GLIS3: variants seen among roughly 807,000 people sequenced by gnomAD.
GLIS3 encodes zinc finger protein GLIS3.
In GLIS3, 53 loss-of-function variants were observed where a neutral mutation model predicts 78.6. The observed-to-expected ratio is 0.67, with a 90% CI of 0.54 to 0.85. The LOEUF (loss-of-function observed/expected upper bound fraction) is 0.85. Among genes scored for constraint, GLIS3 ranks in the 40% least tolerant of loss-of-function variants. The pLI, the probability that GLIS3 is intolerant of heterozygous loss-of-function variation, is 0.00. For synonymous variants in GLIS3, 684 were observed against 509.9 expected (o/e 1.34, Z -4.60); for missense variants, 1,703 against 1,231.1 (o/e 1.38, Z -5.74).
intron 2 of GLIS3, among the ~76,000 whole-genome samples, chr9:4,207,335 C>A (rs1191407116): frequency 6.6e-6 from 1 of 152,184 alleles, no homozygotes; most frequent in East Asian, 1.9e-4. Context: ...GAGGAGCACT[C>A]TTAACTTAGG....
chr9:4,385,133 C>T, the GLIS3 span, among the ~76,000 whole-genome samples: 1 of 152,206 alleles, frequency 6.6e-6, no homozygotes, highest in African/African-American at 2.4e-5. Flanking sequence ...TTACTGTACA[C>T]AGTGAACTCT....
At chr9:3,971,147 A>T (rs1346430239) in intron 4 of GLIS3, among the ~76,000 whole-genome samples, 2 of 151,924 alleles carry the variant, frequency 1.3e-5, no homozygotes. Context: ...AGGGAGCCTT[A>T]TGCTTTCCAT....
intron 4 of GLIS3, among the ~76,000 whole-genome samples, chr9:4,046,039 C>A (rs1300041309): frequency 1.3e-5 from 2 of 152,176 alleles, no homozygotes; most frequent in Non-Finnish European, 2.9e-5. Flanking sequence ...TTTAATTTCA[C>A]TCAGAATTGG....
At chr9:4,300,246 A>ACACACACACT (rs1491535352), upstream of GLIS3, among the ~76,000 whole-genome samples, 17 of 131,544 alleles carry the variant, frequency 1.3e-4, no homozygotes, top group African/African-American at 4.4e-4. Context: ...ACACACACAC[A>ACACACACACT]CTCCCCGTGC....
chr9:4,056,354 G>C (rs1426030916), intron 4 of GLIS3, among the ~76,000 whole-genome samples: 1 of 152,176 alleles, frequency 6.6e-6, no homozygotes, highest in African/African-American at 2.4e-5. Flanking sequence ...TCAAATACAA[G>C]ACTCCTTTTT....
intron 2 of GLIS3, among the ~76,000 whole-genome samples, chr9:4,340,008 G>C (rs1179500056): frequency 6.6e-6 from 1 of 151,622 alleles, no homozygotes; most frequent in African/African-American, 2.4e-5. Flanking sequence ...AAAGACTAGG[G>C]AGAAGTCAAC....
At chr9:4,189,025 TTGCCTTC>T (rs1249855162) in intron 2 of GLIS3, among the ~76,000 whole-genome samples, 1 of 152,188 alleles carries the variant, frequency 6.6e-6, no homozygotes, top group African/African-American at 2.4e-5. Flanking sequence ...TAGTTATTTC[TTGCCTTC>T]TGCTAGCTTT....
chr9:4,191,561 C>G (rs1020210829), intron 2 of GLIS3, among the ~76,000 whole-genome samples: 3 of 152,136 alleles, frequency 2.0e-5, no homozygotes, highest in South Asian at 4.1e-4. Context: ...TTCTGAATAC[C>G]ATGTCTTATT....
the GLIS3 span, among the ~76,000 whole-genome samples, chr9:4,454,150 TAAAAA>T: frequency 0.029 from 3,783 of 128,818 alleles, 170 homozygotes; most frequent in African/African-American, 0.11. Flanking sequence ...TATATGATGA[TAAAAA>T]AAAAAAAAAA....
At chr9:3,834,482 TTTAA>T (rs1319413879) in intron 9 of GLIS3, among the ~76,000 whole-genome samples, 5 of 152,122 alleles carry the variant, frequency 3.3e-5, no homozygotes, top group East Asian at 1.9e-4. Context: ...TTTATTGAAT[TTTAA>T]TTAATTCAAA....
intron 2 of GLIS3, among the ~76,000 whole-genome samples, chr9:4,162,954 T>C (rs1835612049): frequency 6.7e-6 from 1 of 149,744 alleles, no homozygotes; most frequent in Non-Finnish European, 1.5e-5. Context: ...TCTTTTTAAC[T>C]GAACTAATCT....
chr9:4,352,075 G>C (rs998120659), upstream of GLIS3, among the ~76,000 whole-genome samples: 1 of 152,198 alleles, frequency 6.6e-6, no homozygotes. Context: ...ACAAGCTACA[G>C]TGTTCGTGAA....
At chr9:4,257,552 A>C (rs964205358) in intron 2 of GLIS3, among the ~76,000 whole-genome samples, 3 of 116,664 alleles carry the variant, frequency 2.6e-5, no homozygotes, top group African/African-American at 9.9e-5. Flanking sequence ...TTGCTTGACA[A>C]ATTAACATGT....
At chr9:4,023,324 T>C (rs1823040511) in intron 4 of GLIS3, among the ~76,000 whole-genome samples, 1 of 152,148 alleles carries the variant, frequency 6.6e-6, no homozygotes, top group African/African-American at 2.4e-5. Context: ...GCAGGGAAAG[T>C]ATTCAGAAAA....
chr9:3,955,590 G>A (rs1817048038), intron 4 of GLIS3, among the ~76,000 whole-genome samples: 1 of 152,130 alleles, frequency 6.6e-6, no homozygotes, highest in South Asian at 2.1e-4. Context: ...GGTTGGCGTT[G>A]GATTAAAGAA....
At chr9:4,201,590 AC>A (rs1819401419) in intron 2 of GLIS3, among the ~76,000 whole-genome samples, 1 of 152,232 alleles carries the variant, frequency 6.6e-6, no homozygotes, top group South Asian at 2.1e-4. Context: ...CACAATAGCC[AC>A]ACAAAGAATA....
intron 4 of GLIS3, among the ~76,000 whole-genome samples, chr9:4,032,697 G>A (rs1024177852): frequency 3.3e-5 from 5 of 152,072 alleles, no homozygotes. Context: ...CCAGCCCGGG[G>A]CAAGTATATG....
chr9:4,249,561 C>CAAACA (rs1424589929), intron 2 of GLIS3, among the ~76,000 whole-genome samples: 1 of 152,154 alleles, frequency 6.6e-6, no homozygotes, highest in Non-Finnish European at 1.5e-5. Flanking sequence ...ATGTCATCTG[C>CAAACA]AAACAGAGAC....
chr9:4,116,671 G>T (rs1397948289), intron 4 of GLIS3, among the ~76,000 whole-genome samples: 1 of 152,090 alleles, frequency 6.6e-6, no homozygotes, highest in African/African-American at 2.4e-5. Flanking sequence ...TTTCATCACT[G>T]ACATACTACA....
Sources: gnomAD v4.1 joint callset for allele counts (sites outside exome capture counted in the v4.1 genomes callset) on GRCh38, gnomAD v4.1.1 for gene constraint, MANE v1.5 for transcripts, NCBI Gene and HGNC (gene_info 2026-07-23, HGNC 2026-07-21) for gene names.